The following CSMD1 variants were observed in gnomAD, a reference collection of about 807,000 sequenced individuals.
The protein encoded by CSMD1 is CUB and Sushi multiple domains 1, also known as CUB and sushi domain-containing protein 1.
A neutral mutation model predicts 417.5 loss-of-function variants in CSMD1; 213 were observed. That is an observed-to-expected ratio of 0.51 (90% confidence interval 0.46 to 0.57). The LOEUF (loss-of-function observed/expected upper bound fraction) is 0.57. Ranked by LOEUF, CSMD1 falls within the 20% of genes least tolerant of loss-of-function variation. CSMD1 has a pLI of 0.00. For missense variants in CSMD1, 6,923 were observed against 4,529.7 expected, an observed-to-expected ratio of 1.53 and a Z score of -15.17; for synonymous variants, 2,862 against 1,736.8, an observed-to-expected ratio of 1.65 and a Z score of -16.11.
chr8:4,766,426 G>C (rs774554842), intron 1 of CSMD1, among the ~76,000 whole-genome samples: 2 of 152,132 alleles, frequency 1.3e-5, no homozygotes, highest in African/African-American at 4.8e-5. Context: ...GTTCTCCTTC[G>C]ATCACGAATA....
chr8:4,462,977 TTG>T (rs1168491454), intron 2 of CSMD1, among the ~76,000 whole-genome samples: 1 of 152,162 alleles, frequency 6.6e-6, no homozygotes, highest in Non-Finnish European at 1.5e-5. Flanking sequence ...ATTTTAAACT[TTG>T]TATTTCAAAA....
chr8:4,876,659 G>C (rs1183381294), intron 1 of CSMD1, among the ~76,000 whole-genome samples: 1 of 152,054 alleles, frequency 6.6e-6, no homozygotes, highest in Non-Finnish European at 1.5e-5. Context: ...GCAATGTGTT[G>C]TGTTTTAAGT....
chr8:3,357,336 G>C (rs910376238), intron 21 of CSMD1, among the ~76,000 whole-genome samples: 1 of 152,188 alleles, frequency 6.6e-6, no homozygotes, highest in East Asian at 1.9e-4. Flanking sequence ...AGTTTGTAGA[G>C]TCTTTTTGTC....
intron 7 of CSMD1, among the ~76,000 whole-genome samples, chr8:3,694,611 G>T (rs150770897): frequency 6.6e-6 from 1 of 152,084 alleles, no homozygotes; most frequent in Non-Finnish European, 1.5e-5. Context: ...GAAAAGGAAG[G>T]ACCCAGCCCT....
intron 3 of CSMD1, among the ~76,000 whole-genome samples, chr8:4,394,900 G>C (rs897463120): frequency 7.9e-5 from 12 of 152,138 alleles, no homozygotes; most frequent in Non-Finnish European, 1.2e-4. Flanking sequence ...TTTCACCACA[G>C]TGTTCCTCTA....
At chr8:4,426,535 T>G (rs915518967) in intron 2 of CSMD1, among the ~76,000 whole-genome samples, 13 of 147,604 alleles carry the variant, frequency 8.8e-5, no homozygotes, top group Admixed American at 2.7e-4. Flanking sequence ...TATTTTATAC[T>G]GTATAATATA....
At chr8:3,908,305 A>C (rs1301575009) in intron 5 of CSMD1, among the ~76,000 whole-genome samples, 9 of 152,240 alleles carry the variant, frequency 5.9e-5, no homozygotes, top group African/African-American at 2.2e-4. Flanking sequence ...TATATCATGA[A>C]AGGAAATGTG....
chr8:3,188,782 GGAGA>G (rs1464421049), intron 35 of CSMD1, 101 bp downstream of exon 35: 6 of 962,662 alleles, frequency 6.2e-6, no homozygotes, highest in Non-Finnish European at 8.5e-6. Flanking sequence ...AAAGAGAGAG[GGAGA>G]GAGAGAGAGA....
chr8:3,828,551 C>G (rs1471902718), intron 5 of CSMD1, among the ~76,000 whole-genome samples: 1 of 152,152 alleles, frequency 6.6e-6, no homozygotes, highest in Non-Finnish European at 1.5e-5. Flanking sequence ...CTTCTTGTGT[C>G]TTACAGAACT....
intron 3 of CSMD1, among the ~76,000 whole-genome samples, chr8:4,326,541 G>C (rs1799573270): frequency 2.0e-5 from 3 of 152,164 alleles, no homozygotes; most frequent in Admixed American, 2.0e-4. Flanking sequence ...AGTAATCAAA[G>C]GTGGGCATAA....
chr8:4,796,689 A>C (rs1020268860), intron 1 of CSMD1, among the ~76,000 whole-genome samples: 8 of 152,204 alleles, frequency 5.3e-5, no homozygotes, highest in African/African-American at 1.9e-4. Flanking sequence ...TGGTGGACTC[A>C]TCCATTGACC....
chr8:3,960,902 G>A (rs1469014253), intron 5 of CSMD1, among the ~76,000 whole-genome samples: 2 of 151,844 alleles, frequency 1.3e-5, no homozygotes, highest in African/African-American at 4.8e-5. Context: ...TATCACAAAA[G>A]TCCTCTAGAC....
At chr8:3,321,004 C>A (rs531436824) in intron 23 of CSMD1, among the ~76,000 whole-genome samples, 5 of 152,116 alleles carry the variant, frequency 3.3e-5, no homozygotes, top group Non-Finnish European at 7.4e-5. Context: ...CCATCTCTTC[C>A]CCAAAAATGG....
intron 5 of CSMD1, among the ~76,000 whole-genome samples, chr8:3,935,151 A>T (rs568059859): frequency 6.6e-6 from 1 of 152,280 alleles, no homozygotes; most frequent in Non-Finnish European, 1.5e-5. Context: ...GATTTTTAAG[A>T]AGCAAGAATA....
intron 5 of CSMD1, among the ~76,000 whole-genome samples, chr8:3,793,867 C>T (rs1292791650): frequency 6.6e-6 from 1 of 152,078 alleles, no homozygotes; most frequent in African/African-American, 2.4e-5. Context: ...GACTGAGTGT[C>T]GCTGATGGAC....
At chr8:4,801,881 T>C (rs768886833) in intron 1 of CSMD1, among the ~76,000 whole-genome samples, 1 of 152,210 alleles carries the variant, frequency 6.6e-6, no homozygotes, top group Non-Finnish European at 1.5e-5. Flanking sequence ...GCCCAATGTA[T>C]TTTAAGCATA....
At chr8:3,531,411 T>C (rs35551429) in intron 10 of CSMD1, among the ~76,000 whole-genome samples, 18,308 of 152,200 alleles carry the variant, frequency 0.12, 1,192 homozygotes, top group Middle Eastern at 0.17. Flanking sequence ...TAAAACACAA[T>C]AGTAACATTA....
At chr8:3,708,588 T>C (rs1184602878) in intron 6 of CSMD1, 97 bp from the exon 7 acceptor site, 9 of 911,640 alleles carry the variant, frequency 9.9e-6, no homozygotes, top group South Asian at 2.8e-5. Flanking sequence ...CTGCTTTCTA[T>C]CAACCCCCGA....
chr8:3,238,166 G>C (rs574989494), intron 26 of CSMD1, among the ~76,000 whole-genome samples: 14 of 152,024 alleles, frequency 9.2e-5, no homozygotes, highest in African/African-American at 3.1e-4. Flanking sequence ...TCAAAGGGGG[G>C]TTGTTCTCTG....
Sources: gnomAD v4.1 joint callset for allele counts (sites outside exome capture counted in the v4.1 genomes callset) on GRCh38, gnomAD v4.1.1 for gene constraint, MANE v1.5 for transcripts, NCBI Gene and HGNC (gene_info 2026-07-23, HGNC 2026-07-21) for gene names.